The following KRT86 variants were observed in gnomAD, a reference collection of about 807,000 sequenced individuals.
KRT86 encodes the protein keratin, type II cuticular Hb6.
Under a neutral mutation model 41.2 loss-of-function variants are expected in KRT86, and 30 were observed. That is an observed-to-expected ratio of 0.73 (90% CI 0.54 to 0.99). KRT86 has a LOEUF of 0.99. Among genes scored for constraint, KRT86 ranks in the 50% least tolerant of loss-of-function variants. The pLI, the probability that KRT86 is intolerant of heterozygous loss-of-function variation, is 0.00. For missense variants in KRT86, 561 were observed against 571.4 expected (o/e 0.98, Z 0.19); for synonymous variants, 238 against 238.1 (o/e 1.00, Z 0.00).
rs199840628 is a variant in KRT86, at chr12:52,305,397, G to A, written c.893G>A (p.Arg298His). Residue 298 changes from arginine to histidine, a missense_variant, in exon 7 of 11, where the codon CGC (arginine) becomes CAC (histidine). This residue lies in a region of KRT86 where 397 missense variants were observed against 375.9 expected (regional missense o/e 1.06). Transcript: ENST00000423955. ...RSRAEAESWYRSKCEEMKATV... is the reference protein window; with the variant it reads ...RSRAEAESWYHSKCEEMKATV... ...CGGGCTGAGGCCGAGTCCTGGTACC[G>A]CAGCAAGGTGAGTGGCACAGGACAC... 141 of 1,614,156 alleles carry A rather than the reference G, an allele frequency of 8.7e-5. No individual in the cohort carries two copies. In the African/African-American group the frequency reaches 1.1e-3, roughly 12 times the overall value.
intron 2 of KRT86, among the ~76,000 whole-genome samples, chr12:52,284,761 G>C (rs1937871761): frequency 6.6e-6 from 1 of 152,186 alleles, no homozygotes; most frequent in Admixed American, 6.5e-5. Flanking sequence ...GCCTTGGACT[G>C]GAAGTTTAGA....
At position 52,288,346 on chromosome 12, in the gene KRT86, C is replaced by T. The variant is rs199629561; in HGVS notation, c.-5+12400C>T. ...TGCTGGCTGCCAGGTTTCTGTCTGG[C>T]CCCTGAGCCCGCACCTCCTCATACA... On this transcript the variant is annotated intron_variant, in intron 2 of 10. Coordinates refer to ENST00000423955, the MANE Select transcript of KRT86 (RefSeq NM_001320198.2). 1,159 of 1,613,804 alleles carry T rather than the reference C, an allele frequency of 7.2e-4. 10 individuals carry two copies. In the African/African-American group the frequency reaches 0.014, roughly 20 times the overall value.
chr12:52,294,902 C>T (rs767792763), intron 2 of KRT86, among the ~76,000 whole-genome samples: 2 of 152,172 alleles, frequency 1.3e-5, no homozygotes, highest in Non-Finnish European at 2.9e-5. Flanking sequence ...GATCCTTGTG[C>T]ATCTGGTTTC....
intron 9 of KRT86, 44 bp from the exon 10 acceptor site, chr12:52,308,189 G>A (rs1352958673): frequency 6.2e-7 from 1 of 1,613,874 alleles, no homozygotes; most frequent in South Asian, 1.1e-5. Flanking sequence ...CGGGGGCCCG[G>A]CGCCTTTTCC....
chr12:52,302,097 C>T lies in KRT86; in HGVS notation c.181C>T (p.Arg61Cys), dbSNP rs753581743. The T allele has an allele frequency of 4.4e-6, 7 of 1,575,926 alleles. No homozygotes were observed. Among genetic ancestry groups the T allele is most frequent in the Middle Eastern group, 2.2e-4 (1 of 4,614 alleles). Residue 61 changes from arginine (R) to cysteine (C), a missense_variant, in exon 3 of 11, where the codon CGC (arginine) becomes TGC (cysteine). Physicochemically the swap from Arg to Cys is radical, Grantham distance 180. Around this residue, in one of 3 missense-constraint regions of KRT86, gnomAD observed 164 missense variants for 172.5 expected, o/e 0.95. Transcript: ENST00000423955. ...AGGCTTTCGGGCCGGCTCCTGCGGA[C>T]GCAGCTTCGGCTACCGCTCCGGGGG... ...CGGFRAGSCG[R>C]SFGYRSGGVC...
rs1938514627 is a variant in KRT86 at position 52,306,222 on chromosome 12, C to A, written c.1189C>A (p.Leu397Met). 1.2e-6 allele frequency: 2 copies of A among 1,613,760 alleles called. No individual in the cohort carries two copies. Among genetic ancestry groups the A allele is most frequent in the Non-Finnish European group, 1.7e-6 (2 of 1,180,032 alleles). ...GTACCAGGAGGTGATGAACTCCAAG[C>A]TGGGCCTGGACATCGAGATCGCCAC... Reference protein sequence around the residue: ...REYQEVMNSKLGLDIEIATYR... With the variant: ...REYQEVMNSKMGLDIEIATYR... Residue 397 changes from leucine to methionine, a missense_variant, in exon 9 of 11, where the codon CTG (leucine) becomes ATG (methionine). Around this residue, in one of 3 missense-constraint regions of KRT86, gnomAD observed 397 missense variants for 375.9 expected, o/e 1.06. Transcript: ENST00000423955.
chr12:52,308,352 C>G, intron 10 of KRT86, 52 bp from the exon 11 acceptor site: 1 of 1,612,028 alleles, frequency 6.2e-7, no homozygotes, highest in Non-Finnish European at 8.5e-7. Context: ...CAAAGCCACT[C>G]ACCCAGGTCG....
At chr12:52,286,812 C>T (rs772669761) in intron 2 of KRT86, 2 of 1,614,078 alleles carry the variant, frequency 1.2e-6, no homozygotes, top group Non-Finnish European at 8.5e-7. Flanking sequence ...GCCCCAATGC[C>T]TTCACATAGC....
intron 6 of KRT86, 65 bp downstream of exon 6, chr12:52,305,092 G>C: frequency 6.2e-7 from 1 of 1,609,634 alleles, no homozygotes; most frequent in Non-Finnish European, 8.5e-7. Context: ...GGGTGGGAGT[G>C]TTGGACAGGA....
At chr12:52,286,527 A>C in intron 2 of KRT86, 1 of 1,546,228 alleles carries the variant, frequency 6.5e-7, no homozygotes, top group South Asian at 1.2e-5. Flanking sequence ...AAAATTCTGA[A>C]GGGCAAGCCA....
chr12:52,280,899 A>T (rs1329512704), intron 2 of KRT86, among the ~76,000 whole-genome samples: 3 of 152,168 alleles, frequency 2.0e-5, no homozygotes, highest in Non-Finnish European at 4.4e-5. Flanking sequence ...TGTAGGCAGG[A>T]TCTAGGATGT....
At chr12:52,277,336 A>T (rs747226517) in intron 2 of KRT86, among the ~76,000 whole-genome samples, 1 of 151,818 alleles carries the variant, frequency 6.6e-6, no homozygotes, top group Admixed American at 6.6e-5. Flanking sequence ...TCATCTTGCC[A>T]TACAGACAAA....
intron 2 of KRT86, among the ~76,000 whole-genome samples, chr12:52,300,274 C>T: frequency 6.6e-6 from 1 of 152,182 alleles, no homozygotes; most frequent in Non-Finnish European, 1.5e-5. Flanking sequence ...AAGGTGCAAT[C>T]TGCTATTTTC....
chr12:52,291,486 T>G (rs765911343), intron 2 of KRT86: 1 of 1,612,184 alleles, frequency 6.2e-7, no homozygotes, highest in Non-Finnish European at 8.5e-7. Flanking sequence ...GACGTTTGGG[T>G]TGCAGAGGAC....
chr12:52,291,551 G>A lies in KRT86; in HGVS notation c.-4-10362G>A, dbSNP rs547619585. The A allele has an allele frequency of 5.1e-6, 8 of 1,559,722 alleles. No individual in the cohort carries two copies. In the African/African-American group the frequency reaches 8.1e-5, roughly 16 times the overall value. ...ACTCCAATGTGCTCCTCAGGGCACC[G>A]CAGCCCTATTTATGCGCAGATTCTG... On this transcript the variant is annotated intron_variant, in intron 2 of 10. Transcript: ENST00000423955.
chr12:52,287,389 G>C, intron 2 of KRT86: 1 of 1,597,126 alleles, frequency 6.3e-7, no homozygotes. Context: ...ATCCAAATGA[G>C]ACCACACTCC....
intron 2 of KRT86, among the ~76,000 whole-genome samples, chr12:52,283,713 C>T (rs1937837576): frequency 6.6e-6 from 1 of 152,148 alleles, no homozygotes; most frequent in Admixed American, 6.5e-5. Context: ...CTCCTGACCT[C>T]AGGTGATCTG....
At chr12:52,279,973 C>T (rs1460138780) in intron 2 of KRT86, among the ~76,000 whole-genome samples, 3 of 152,098 alleles carry the variant, frequency 2.0e-5, no homozygotes, top group Admixed American at 6.5e-5. Context: ...ACGAGGAAAC[C>T]GAGCAGAAAC....
rs374984059 is a variant in KRT86 at position 52,280,638 on chromosome 12, C to T, written c.-5+4692C>T. On this transcript the variant is annotated intron_variant, in intron 2 of 10. Coordinates refer to ENST00000423955, the MANE Select transcript of KRT86 (RefSeq NM_001320198.2). ...GGAATGGGACTGAAACTTGGCTAGCCGGATGCCACCCTCCTGAGGGGTAGG... is the reference window on the plus strand; with the variant it reads ...GGAATGGGACTGAAACTTGGCTAGCTGGATGCCACCCTCCTGAGGGGTAGG... Among the ~76,000 whole-genome samples, 106 of 152,288 alleles carry T rather than the reference C, an allele frequency of 7.0e-4. 1 individual carries two copies. In the East Asian group the frequency reaches 0.011, roughly 16 times the overall value.
Sources: allele counts gnomAD v4.1 joint callset (sites outside exome capture counted in the v4.1 genomes callset), GRCh38; gene constraint gnomAD v4.1.1; regional missense constraint gnomAD v4.1.1; transcripts MANE v1.5; gene names NCBI Gene and HGNC (gene_info 2026-07-23, HGNC 2026-07-21).